The following CEP70 variants were observed in gnomAD, a reference collection of about 807,000 sequenced individuals.
CEP70 encodes centrosomal protein of 70 kDa.
Under a neutral mutation model 90.9 loss-of-function variants are expected in CEP70, and 70 were observed. The observed-to-expected ratio is 0.77, with a 90% CI of 0.64 to 0.94. The LOEUF is 0.94. Ranked by LOEUF, CEP70 falls within the 40% of genes least tolerant of loss-of-function variation. The pLI is 0.00. For synonymous variants in CEP70, 220 were observed against 228.3 expected, an observed-to-expected ratio of 0.96 and a Z score of 0.33; for missense variants, 648 against 669.0, an observed-to-expected ratio of 0.97 and a Z score of 0.35.
intron 6 of CEP70, among the ~76,000 whole-genome samples, chr3:138,541,022 A>G (rs987331178): frequency 3.9e-5 from 6 of 152,220 alleles, no homozygotes; most frequent in African/African-American, 1.4e-4. Flanking sequence ...GTTCTCACTT[A>G]TAAGTGGGAG....
chr3:138,528,947 G>A (rs938192960), intron 10 of CEP70, among the ~76,000 whole-genome samples: 3 of 152,078 alleles, frequency 2.0e-5, no homozygotes, highest in Admixed American at 6.5e-5. Flanking sequence ...AGCTGAGATC[G>A]CGCCACTGCA....
chr3:138,497,011 A>T (rs2033998141), intron 17 of CEP70: 1 of 993,802 alleles, frequency 1.0e-6, no homozygotes, highest in Admixed American at 6.0e-5. Flanking sequence ...ATATTATTCT[A>T]TGAAACCAGG....
chr3:138,528,356 T>C (rs553399940), intron 10 of CEP70, among the ~76,000 whole-genome samples: 1 of 152,204 alleles, frequency 6.6e-6, no homozygotes, highest in Non-Finnish European at 1.5e-5. Context: ...TTTGAAGTTC[T>C]TAGCTAGTTT....
At chr3:138,583,970 T>G (rs1445725684) in intron 2 of CEP70, among the ~76,000 whole-genome samples, 1 of 151,320 alleles carries the variant, frequency 6.6e-6, no homozygotes, top group African/African-American at 2.4e-5. Flanking sequence ...AAATAAGACA[T>G]AAGAACAATA....
At chr3:138,518,253 G>A (rs1322485737) in intron 11 of CEP70, among the ~76,000 whole-genome samples, 4 of 152,216 alleles carry the variant, frequency 2.6e-5, no homozygotes, top group Non-Finnish European at 5.9e-5. Context: ...TCTAGCTCTA[G>A]GGGCAGGGCA....
At chr3:138,502,533 G>T (rs1384425600) in intron 13 of CEP70, among the ~76,000 whole-genome samples, 8 of 146,670 alleles carry the variant, frequency 5.5e-5, no homozygotes, top group Non-Finnish European at 3.0e-5. Flanking sequence ...AATGCCACTA[G>T]AATTTGAAAA....
At position 138,544,101 on chromosome 3, in the gene CEP70, C is replaced by T. The variant is rs187304314; in HGVS notation, c.466-6754G>A. 2.7e-3 allele frequency among the ~76,000 whole-genome samples: 406 copies of T among 151,968 alleles called. 1 individual carries two copies. Among genetic ancestry groups the T allele is most frequent in the Middle Eastern group, 0.02 (6 of 294 alleles). On this transcript the variant is annotated intron_variant, in intron 6 of 17. Transcript: ENST00000264982. ...GCCAGGAGTTCAAGACCAACCTGGC[C>T]GACACAGTAAAATCCCCATCTCTTT...
chr3:138,528,045 GTTTT>G (rs541606837), intron 10 of CEP70, among the ~76,000 whole-genome samples: 2 of 135,024 alleles, frequency 1.5e-5, no homozygotes, highest in East Asian at 2.1e-4. Context: ...TCTATTTGAA[GTTTT>G]TTTTTTTTTT....
chr3:138,523,148 G>A (rs1256698934), intron 11 of CEP70, among the ~76,000 whole-genome samples: 1 of 149,762 alleles, frequency 6.7e-6, no homozygotes, highest in Non-Finnish European at 1.5e-5. Context: ...AATAGATGCA[G>A]AAAAGGCCTT....
rs145652580 is a variant in CEP70, at chr3:138,539,496, A to T, written c.466-2149T>A. Among the ~76,000 whole-genome samples, 856 of 152,320 alleles carry T rather than the reference A, an allele frequency of 5.6e-3. 7 individuals carry two copies. Among genetic ancestry groups the T allele is most frequent in the African/African-American group, 0.02 (825 of 41,560 alleles). The stretch of plus-strand genomic sequence containing the variant: ...TATTGAAATAATAACTTTTAAAAAA[A>T]CAAACAGAAATCCTGGGACTGAGAA... On this transcript the variant is annotated intron_variant, in intron 6 of 17. Coordinates refer to ENST00000264982, the MANE Select transcript of CEP70 (RefSeq NM_024491.4).
At chr3:138,590,001 T>C (rs2042299549) in intron 2 of CEP70, among the ~76,000 whole-genome samples, 1 of 151,906 alleles carries the variant, frequency 6.6e-6, no homozygotes, top group Non-Finnish European at 1.5e-5. Context: ...TTAAATATAT[T>C]AATAGAACTA....
intron 16 of CEP70, 132 bp downstream of exon 16, chr3:138,499,978 C>T (rs2034337308): frequency 2.9e-6 from 2 of 684,422 alleles, no homozygotes; most frequent in Non-Finnish European, 5.4e-6. Flanking sequence ...CACTGCCTTG[C>T]TCAGACTGGA....
chr3:138,502,218 T>C (rs561491211), intron 13 of CEP70, among the ~76,000 whole-genome samples: 1 of 152,294 alleles, frequency 6.6e-6, no homozygotes, highest in South Asian at 2.1e-4. Flanking sequence ...CCATACAAAG[T>C]CTTCTAAATC....
At chr3:138,594,016 G>A (rs1391883419) in intron 1 of CEP70, 182 bp downstream of exon 1, 1 of 152,358 alleles carries the variant, frequency 6.6e-6, no homozygotes, top group Non-Finnish European at 1.5e-5. Context: ...TGGGACTGGA[G>A]GCAGTTTTGT....
intron 7 of CEP70, among the ~76,000 whole-genome samples, 156 bp from the exon 8 acceptor site, chr3:138,532,726 C>A (rs2037935294): frequency 6.6e-6 from 1 of 152,176 alleles, no homozygotes; most frequent in Non-Finnish European, 1.5e-5. Context: ...AAAGCAAATA[C>A]TATACTAAGT....
intron 2 of CEP70, among the ~76,000 whole-genome samples, chr3:138,587,308 TGAA>T (rs1011225908): frequency 3.3e-5 from 5 of 151,020 alleles, no homozygotes; most frequent in Non-Finnish European, 7.4e-5. Context: ...TAAAAAGAAA[TGAA>T]GAAGAAATAT....
rs2034878899 is a variant in CEP70 at position 138,505,284 on chromosome 3, C to T, written c.1221+11G>A. ...GATGTTCAAAGCATATAATCATAGT[C>T]AACCCCTTACCTTTAAGGATGTCAG... On this transcript the variant is annotated intron_variant, in intron 13 of 17. Transcript: ENST00000264982. The T allele has an allele frequency of 1.3e-6, 2 of 1,586,120 alleles. No individual in the cohort carries two copies. The highest frequency in any genetic ancestry group is 1.7e-6 in the Non-Finnish European group (2 of 1,167,342).
intron 6 of CEP70, among the ~76,000 whole-genome samples, chr3:138,567,724 G>A (rs575255034): frequency 3.9e-5 from 6 of 152,126 alleles, no homozygotes; most frequent in Non-Finnish European, 7.4e-5. Context: ...TTTATTGGGG[G>A]TGGCTGTTGT....
chr3:138,579,404 T>C (rs1402602845), intron 2 of CEP70, among the ~76,000 whole-genome samples: 1 of 151,690 alleles, frequency 6.6e-6, no homozygotes, highest in African/African-American at 2.4e-5. Context: ...AGCATTTGCA[T>C]CACCCCTCCC....
Sources: gnomAD v4.1 joint callset for allele counts (sites outside exome capture counted in the v4.1 genomes callset) on GRCh38, gnomAD v4.1.1 for gene constraint, MANE v1.5 for transcripts, NCBI Gene and HGNC (gene_info 2026-07-23, HGNC 2026-07-21) for gene names.